ACIN1: variants seen among roughly 807,000 people sequenced by gnomAD.
ACIN1 encodes the protein apoptotic chromatin condensation inducer in the nucleus.
Under a neutral mutation model 146.6 loss-of-function variants are expected in ACIN1, and 16 were observed. The observed-to-expected ratio is 0.11, with a 90% confidence interval of 0.07 to 0.17. The LOEUF is 0.17. Among genes scored for constraint, ACIN1 ranks in the 10% least tolerant of loss-of-function variants. The pLI, the probability that ACIN1 is intolerant of heterozygous loss-of-function variation, is 1.00. For missense variants in ACIN1, 1,357 were observed against 1,609.3 expected (o/e 0.84, Z 2.68); for synonymous variants, 569 against 582.7 (o/e 0.98, Z 0.34).
intron 4 of ACIN1, among the ~76,000 whole-genome samples, chr14:23,085,251 C>T (rs1052383649): frequency 2.6e-5 from 4 of 152,046 alleles, no homozygotes; most frequent in African/African-American, 7.3e-5. Flanking sequence ...AGGAGAACGG[C>T]GTGAACCTGG....
At chr14:23,091,502 G>A (rs948133536) in intron 2 of ACIN1, among the ~76,000 whole-genome samples, 1 of 151,074 alleles carries the variant, frequency 6.6e-6, no homozygotes, top group African/African-American at 2.4e-5. Flanking sequence ...GAGGTGGTGG[G>A]TGCAGTGAAC....
rs763195687 is a variant in ACIN1 at position 23,061,346 on chromosome 14, G to A, written c.3376C>T (p.Arg1126Cys). ...PRSRSRSRDRRRKERAKSKEK... is the reference protein window; with the variant it reads ...PRSRSRSRDRCRKERAKSKEK... ...TTAGACTTCGCACGTTCCTTGCGGC[G>A]GCGGTCACGGGACCTTGATCGGGAA... The change falls in exon 17 of 19, where the codon CGC becomes TGC. Residue 1126 changes from arginine to cysteine, a missense_variant. Physicochemically the swap from Arg to Cys is radical, Grantham distance 180. This residue lies in a region of ACIN1 where 509 missense variants were observed against 719.6 expected (regional missense o/e 0.71). Transcript: ENST00000605057. The A allele has an allele frequency of 8.1e-6, 13 of 1,613,958 alleles. No individual in the cohort carries two copies. Among genetic ancestry groups the A allele is most frequent in the African/African-American group, 1.3e-5 (1 of 74,868 alleles).
intron 8 of ACIN1, among the ~76,000 whole-genome samples, chr14:23,077,475 C>T (rs2047830487): frequency 6.6e-6 from 1 of 152,154 alleles, no homozygotes; most frequent in Non-Finnish European, 1.5e-5. Context: ...ATACCTATCT[C>T]AGAAGAATGA....
chr14:23,079,065 G>A lies in ACIN1; in HGVS notation c.1789-27C>T, dbSNP rs760203179. The A allele has an allele frequency of 1.8e-5, 29 of 1,599,198 alleles. No homozygotes were observed. The African/African-American group carries it at 3.5e-4, about 19-fold the overall frequency. The stretch of plus-strand genomic sequence containing the variant: ...TAAAACAAAATGAAACACATAACAA[G>A]GAAAATTATTGTATATGGTATATAT... On this transcript the variant is annotated intron_variant, in intron 6 of 18. Coordinates refer to ENST00000605057, the MANE Select transcript of ACIN1 (RefSeq NM_001386863.1).
chr14:23,083,645 C>A (rs547175224), intron 4 of ACIN1, among the ~76,000 whole-genome samples: 1 of 152,086 alleles, frequency 6.6e-6, no homozygotes, highest in East Asian at 2.0e-4. Flanking sequence ...GGCAGAATGG[C>A]GTGAACCTGG....
Position 23,067,082 on chromosome 14 carries a change from C to T in ACIN1, c.2266-1074G>A, listed in dbSNP as rs2047481890. Among the ~76,000 whole-genome samples the T allele has an allele frequency of 6.6e-6, 1 of 151,696 alleles. No individual in the cohort carries two copies. Reference sequence around the variant, plus strand: ...AAGTCTCCTTGGTCTCTGTTAAGGGCCAGCCTGACCCCTAGCTGGGCCGCT... The same window carrying T: ...AAGTCTCCTTGGTCTCTGTTAAGGGTCAGCCTGACCCCTAGCTGGGCCGCT... On this transcript the variant is annotated intron_variant, in intron 9 of 18. Coordinates refer to ENST00000605057, the MANE Select transcript of ACIN1 (RefSeq NM_001386863.1). The surrounding 1 kb of genome is among the most constrained non-coding windows in gnomAD (Gnocchi z 4.6).
At position 23,063,557 on chromosome 14, in the gene ACIN1, C is replaced by T. The variant is rs1490968750; in HGVS notation, c.2616G>A (p.Gln872=). ...CCTCTTCTTCCCTCTGCCCATTCTC[C>T]TGGCCCTCTGCAGGTACTACCTATC... ...TVTQVVPAEG[Q]ENGQREEEEE... The change falls in exon 13 of 19, where the codon CAG becomes CAA. Residue 872 remains glutamine, a synonymous_variant. Transcript: ENST00000605057. 1 of 1,614,104 alleles carries T rather than the reference C, an allele frequency of 6.2e-7. No homozygotes were observed. Among genetic ancestry groups the T allele is most frequent in the African/African-American group, 1.3e-5 (1 of 74,936 alleles).
rs753750069 is a variant in ACIN1, at chr14:23,063,481, C to T, written c.2692G>A (p.Val898Ile). ...AEPPVPPQVS[V>I]EVALPPPAEH... ...GCAGGTGGGGGCAAGGCCACCTCTA[C>T]TGACACCTGGGGAGGTACAGGAGGT... The change falls in exon 13 of 19, where the codon GTA becomes ATA. Residue 898 changes from valine (V) to isoleucine (I), a missense_variant. Physicochemically the swap from Val to Ile is conservative, Grantham distance 29. Around this residue, in one of 4 missense-constraint regions of ACIN1, gnomAD observed 509 missense variants for 719.6 expected, o/e 0.71. Coordinates refer to ENST00000605057, the MANE Select transcript of ACIN1 (RefSeq NM_001386863.1). The T allele has an allele frequency of 1.9e-6, 3 of 1,614,094 alleles. No individual in the cohort carries two copies. The highest frequency in any genetic ancestry group is 3.3e-5 in the Admixed American group (2 of 60,000).
At position 23,067,836 on chromosome 14, in the gene ACIN1, G is replaced by C. The variant is rs3829410; in HGVS notation, c.2265+1640C>G. The C allele has an allele frequency of 1.0e-6, 1 of 985,748 alleles. No individual in the cohort carries two copies. Among genetic ancestry groups the C allele is most frequent in the Non-Finnish European group, 1.2e-6 (1 of 829,990 alleles). 61.1% of individuals were successfully genotyped at this position (985,748 alleles called of 1,614,324 possible). ...GGGGAGGGGGTCCTCTCACCGAGTG[G>C]GATCATGGAGCCTCTGATGAAGGTA... On this transcript the variant is annotated intron_variant, in intron 9 of 18. Coordinates refer to ENST00000605057, the MANE Select transcript of ACIN1 (RefSeq NM_001386863.1). The surrounding 1 kb of genome is among the most constrained non-coding windows in gnomAD (Gnocchi z 4.6).
intron 4 of ACIN1, among the ~76,000 whole-genome samples, chr14:23,083,147 A>T (rs553699040): frequency 6.6e-6 from 1 of 152,218 alleles, no homozygotes; most frequent in Non-Finnish European, 1.5e-5. Flanking sequence ...ACGGAAAGAA[A>T]GTTTCACTCA....
At chr14:23,074,146 C>CT (rs200344513) in intron 8 of ACIN1, among the ~76,000 whole-genome samples, 1 of 151,330 alleles carries the variant, frequency 6.6e-6, no homozygotes, top group African/African-American at 2.4e-5. Context: ...CCGAAAATTT[C>CT]TTTTTTTTAA....
intron 15 of ACIN1, 44 bp downstream of exon 15, chr14:23,062,372 G>C: frequency 6.2e-7 from 1 of 1,609,498 alleles, no homozygotes; most frequent in Non-Finnish European, 8.5e-7. Flanking sequence ...GGTCACAAAA[G>C]GAAATATATG....
In ACIN1 at chr14:23,067,144, A is replaced by C. The variant is rs553529625; in HGVS notation, c.2266-1136T>G. 2.7e-4 allele frequency among the ~76,000 whole-genome samples: 41 copies of C among 152,202 alleles called. No individual in the cohort carries two copies. The highest frequency in any genetic ancestry group is 1.2e-3 in the East Asian group (6 of 5,190). ...AGTTAGTGAGAAAAACAAAACAAAA[A>C]AAAAGGTCTTAATTAAAACAGGAAA... On this transcript the variant is annotated intron_variant, in intron 9 of 18. Transcript: ENST00000605057. This position sits in a 1 kb window ranked among gnomAD's most constrained non-coding sequence, Gnocchi z 4.6.
chr14:23,077,981 A>G (rs1398339040), intron 8 of ACIN1, 170 bp downstream of exon 8: 9 of 557,734 alleles, frequency 1.6e-5, no homozygotes, highest in Non-Finnish European at 2.5e-5. Context: ...GTTACCTTAA[A>G]GGTGGCAGCT....
At chr14:23,063,350 A>G in intron 13 of ACIN1, 86 bp downstream of exon 13, 1 of 1,499,724 alleles carries the variant, frequency 6.7e-7, no homozygotes, top group African/African-American at 1.4e-5. Context: ...AAAGGCAGGA[A>G]ACATTCAAAG....
Position 23,062,994 on chromosome 14 carries a change from G to C in ACIN1, c.2818C>G (p.Arg940Gly). ...GVSITIDDPV[R>G]TAQVPSPPRG... The stretch of plus-strand genomic sequence containing the variant: ...GGTGGGGAGGGCACCTGGGCAGTTC[G>C]GACTGGGTCATCAATGGTAATGGAA... Residue 940 changes from arginine (R) to glycine (G), a missense_variant, in exon 14 of 19, where the codon CGA becomes GGA. Arg to Gly is a moderately radical substitution (Grantham distance 125, BLOSUM62 -2). This residue lies in a region of ACIN1 where 509 missense variants were observed against 719.6 expected (regional missense o/e 0.71). Transcript: ENST00000605057. The C allele has an allele frequency of 6.2e-7, 1 of 1,613,830 alleles. No individual in the cohort carries two copies. Among genetic ancestry groups the C allele is most frequent in the Non-Finnish European group, 8.5e-7 (1 of 1,179,954 alleles).
In ACIN1 at chr14:23,061,601, A is replaced by G; in HGVS notation, c.3121T>C (p.Leu1041=). Residue 1041 remains leucine (L), a synonymous_variant, in exon 17 of 19, where the codon TTG becomes CTG. Transcript: ENST00000605057. The stretch of plus-strand genomic sequence containing the variant: ...TTAGTTTCAGAGGGACGGTCCACCA[A>G]GAGGCCTCGGTGATAATCCAGCTGT... ...QDELDYHRGL[L]VDRPSETKTE... is the part of the protein sequence containing the mutation. 5 of 1,542,730 alleles carry G rather than the reference A, an allele frequency of 3.2e-6. No individual in the cohort carries two copies. The highest frequency in any genetic ancestry group is 4.4e-6 in the Non-Finnish European group (5 of 1,143,938).
At chr14:23,074,163 G>A (rs947745485) in intron 8 of ACIN1, among the ~76,000 whole-genome samples, 2 of 151,658 alleles carry the variant, frequency 1.3e-5, no homozygotes, top group South Asian at 4.2e-4. Flanking sequence ...TTAAGAATAA[G>A]AATCTTACCA....
At chr14:23,077,042 G>A (rs1184033980) in intron 8 of ACIN1, among the ~76,000 whole-genome samples, 1 of 152,172 alleles carries the variant, frequency 6.6e-6, no homozygotes, top group Non-Finnish European at 1.5e-5. Context: ...TGGCAGCAGA[G>A]GTAAGACTGT....
Sources: allele counts gnomAD v4.1 joint callset (sites outside exome capture counted in the v4.1 genomes callset), GRCh38; gene constraint gnomAD v4.1.1; regional missense constraint gnomAD v4.1.1; non-coding constraint Gnocchi (gnomAD v3.1); transcripts MANE v1.5; gene names NCBI Gene and HGNC (gene_info 2026-07-23, HGNC 2026-07-21).